The following PHC1 variants were observed in gnomAD, a reference collection of about 807,000 sequenced individuals.
The protein encoded by PHC1 is polyhomeotic-like protein 1.
A neutral mutation model predicts 104.3 loss-of-function variants in PHC1; 12 were observed. The ratio of observed to expected loss-of-function variants is 0.12; its 90% CI spans 0.07 to 0.19. The LOEUF is 0.19. Among genes scored for constraint, PHC1 ranks in the 10% least tolerant of loss-of-function variants. The pLI is 1.00. For synonymous variants in PHC1, 302 were observed against 455.8 expected (o/e 0.66, Z 4.30); for missense variants, 671 against 1,200.0 (o/e 0.56, Z 6.51).
chr12:8,930,293 C>CT lies in PHC1; in HGVS notation c.613-140dup, dbSNP rs540316969. On this transcript the variant is annotated intron_variant, in intron 6 of 14. Coordinates refer to ENST00000544916, the MANE Select transcript of PHC1 (RefSeq NM_004426.3). Reference sequence around the variant, plus strand: ...GTTCCTCCTTAGGAGGTAGGAAGGCCTTAAAGTATATGGTAAAGGCAGAGA... The same window carrying CT: ...GTTCCTCCTTAGGAGGTAGGAAGGCCTTTAAAGTATATGGTAAAGGCAGAGA... 5.4e-3 allele frequency: 7,091 copies of CT among 1,303,554 alleles called. 27 individuals carry two copies. The highest frequency in any genetic ancestry group is 7.7e-3 in the Middle Eastern group (39 of 5,094). 80.7% of individuals were successfully genotyped at this position (1,303,554 alleles called of 1,614,324 possible).
chr12:8,938,851 G>T (rs1945922808), intron 14 of PHC1, among the ~76,000 whole-genome samples: 1 of 152,064 alleles, frequency 6.6e-6, no homozygotes, highest in African/African-American at 2.4e-5. Context: ...TTGAGACAGA[G>T]TCTTACTCTG....
chr12:8,919,612 T>A lies in PHC1; in HGVS notation c.115-144T>A, dbSNP rs1179933262. ...TTTGCTCTAAAAAAATGAAGGAAAA[T>A]CAGCCGTTGACGATTTAGCCCAAAC... On this transcript the variant is annotated intron_variant, in intron 2 of 14. Coordinates refer to ENST00000544916, the MANE Select transcript of PHC1 (RefSeq NM_004426.3). The surrounding 1 kb of genome is among the most constrained non-coding windows in gnomAD (Gnocchi z 4.9). The A allele has an allele frequency of 1.3e-6, 1 of 765,296 alleles. No individual in the cohort carries two copies. 47.4% of individuals were successfully genotyped at this position (765,296 alleles called of 1,614,324 possible).
At chr12:8,929,854 A>G (rs1441657922) in intron 6 of PHC1, among the ~76,000 whole-genome samples, 2 of 152,074 alleles carry the variant, frequency 1.3e-5, no homozygotes, top group Non-Finnish European at 2.9e-5. Context: ...TGGCCTTGCA[A>G]ATGCTGTTAT....
At chr12:8,938,171 T>A in intron 14 of PHC1, 111 bp downstream of exon 14, 1 of 692,762 alleles carries the variant, frequency 1.4e-6, no homozygotes, top group Non-Finnish European at 2.5e-6. Flanking sequence ...GCTTGAATGC[T>A]AATATAGAGG....
intron 7 of PHC1, 70 bp from the exon 8 acceptor site, chr12:8,932,487 ATTTACT>A (rs1349674483): frequency 4.7e-6 from 7 of 1,500,534 alleles, no homozygotes; most frequent in African/African-American, 1.4e-5. Context: ...GGAAAAATGA[ATTTACT>A]TTTAATTTAG....
At chr12:8,921,215 G>A in intron 4 of PHC1, 150 bp downstream of exon 4, 3 of 621,878 alleles carry the variant, frequency 4.8e-6, no homozygotes, top group Non-Finnish European at 8.3e-6. Flanking sequence ...CAAGGGGAAA[G>A]TAACCAACAT....
At chr12:8,936,738 G>A (rs1283824765) in intron 11 of PHC1, 118 bp from the exon 12 acceptor site, 1 of 675,366 alleles carries the variant, frequency 1.5e-6, no homozygotes. Context: ...CAACTAGGTT[G>A]TGTAGGTTTT....
chr12:8,927,987 ACTTCTGC>A lies in PHC1; in HGVS notation c.613-2441_613-2435del, dbSNP rs1465973106. Reference sequence around the variant, plus strand: ...TGTGGTGTGATCTCGGCTCACTGCAACTTCTGCCTTCTGGGTTCAAGCGATTCTTGTA... The same window carrying A: ...TGTGGTGTGATCTCGGCTCACTGCAACTTCTGGGTTCAAGCGATTCTTGTA... On this transcript the variant is annotated intron_variant, in intron 6 of 14. Transcript: ENST00000544916. Among the ~76,000 whole-genome samples the A allele has an allele frequency of 1.4e-5, 2 of 145,686 alleles. 1 individual carries two copies. Among genetic ancestry groups the A allele is most frequent in the East Asian group, 4.1e-4 (2 of 4,898 alleles).
chr12:8,917,986 C>T (rs1945249963), intron 2 of PHC1, among the ~76,000 whole-genome samples, 195 bp downstream of exon 2: 1 of 152,218 alleles, frequency 6.6e-6, no homozygotes, highest in South Asian at 2.1e-4. Flanking sequence ...GAAATCTGGT[C>T]TTTCAAATAA....
chr12:8,934,144 A>G (rs1476084725), intron 9 of PHC1, 123 bp from the exon 10 acceptor site: 2 of 1,307,738 alleles, frequency 1.5e-6, no homozygotes, highest in Non-Finnish European at 2.2e-6. Context: ...ATCCAAAAAC[A>G]GGGAATCCAG....
At chr12:8,925,773 T>C (rs1339849009) in intron 6 of PHC1, among the ~76,000 whole-genome samples, 1 of 152,164 alleles carries the variant, frequency 6.6e-6, no homozygotes, top group Non-Finnish European at 1.5e-5. Context: ...TATAGAAGGA[T>C]TTTAAATATG....
chr12:8,937,127 G>A (rs745458874), intron 12 of PHC1, 49 bp from the exon 13 acceptor site: 2 of 1,567,422 alleles, frequency 1.3e-6, no homozygotes, highest in South Asian at 2.3e-5. Flanking sequence ...TTAGAGCAGG[G>A]TGGTCTTCTG....
chr12:8,932,088 T>C (rs142727478), intron 7 of PHC1, among the ~76,000 whole-genome samples: 2 of 152,348 alleles, frequency 1.3e-5, no homozygotes, highest in African/African-American at 4.8e-5. Flanking sequence ...GTTGACATCT[T>C]TAACTCTGTG....
chr12:8,937,458 A>G (rs1460755179), intron 13 of PHC1, 132 bp downstream of exon 13: 2 of 842,922 alleles, frequency 2.4e-6, no homozygotes, highest in East Asian at 2.7e-5. Context: ...CATTACTACA[A>G]ATTCCAAGAG....
Position 8,917,672 on chromosome 12 carries a change from A to G in PHC1, c.-6A>G. 1.4e-6 allele frequency: 2 copies of G among 1,473,742 alleles called. No individual in the cohort carries two copies. Among genetic ancestry groups the G allele is most frequent in the South Asian group, 2.6e-5 (2 of 75,584 alleles). The allele number at this position is 1,473,742 out of a possible 1,614,324, so 91.3% of individuals were successfully genotyped here. A position where few individuals can be genotyped will look rare whatever the true frequency, so the allele number is the denominator to read the frequency against. On this transcript the variant is annotated 5_prime_UTR_variant, in exon 2 of 15. Coordinates refer to ENST00000544916, the MANE Select transcript of PHC1 (RefSeq NM_004426.3). Reference sequence around the variant, plus strand: ...GCACCAGCCTTGGGGACCCTGGACCACTATCATGGAGACTGAGAGCGAGCA... The same window carrying G: ...GCACCAGCCTTGGGGACCCTGGACCGCTATCATGGAGACTGAGAGCGAGCA...
At chr12:8,926,446 G>A (rs1368543365) in intron 6 of PHC1, among the ~76,000 whole-genome samples, 1 of 151,490 alleles carries the variant, frequency 6.6e-6, no homozygotes, top group Non-Finnish European at 1.5e-5. Context: ...GTCAAACTCT[G>A]TCTCTACTAA....
intron 7 of PHC1, among the ~76,000 whole-genome samples, chr12:8,931,681 C>T (rs1945690135): frequency 6.6e-6 from 1 of 152,188 alleles, no homozygotes. Flanking sequence ...GCCTGGGTGA[C>T]AGGGCAAGAC....
intron 14 of PHC1, 66 bp downstream of exon 14, chr12:8,938,126 T>A (rs888129651): frequency 9.4e-7 from 1 of 1,066,198 alleles, no homozygotes; most frequent in Admixed American, 2.0e-5. Flanking sequence ...GGGGCCTTGA[T>A]AAGAGGGAAA....
At chr12:8,922,106 G>A (rs11048023) in intron 5 of PHC1, among the ~76,000 whole-genome samples, 54,093 of 152,128 alleles carry the variant, frequency 0.36, 11,336 homozygotes, top group South Asian at 0.47. Context: ...GAACCACCGC[G>A]CCCGGCCAAA....
Sources: gnomAD v4.1 joint callset for allele counts (sites outside exome capture counted in the v4.1 genomes callset) on GRCh38, gnomAD v4.1.1 for gene constraint, Gnocchi (gnomAD v3.1) non-coding constraint, MANE v1.5 for transcripts, NCBI Gene and HGNC (gene_info 2026-07-23, HGNC 2026-07-21) for gene names.